Variants in MANEA observed in about 807,000 individuals in gnomAD.
The protein encoded by MANEA is mannosidase endo-alpha, also known as glycoprotein endo-alpha-1,2-mannosidase.
In MANEA, 25 loss-of-function variants were observed where a neutral mutation model predicts 36.8. The observed-to-expected ratio is 0.68, with a 90% CI of 0.50 to 0.95. The LOEUF is 0.95. Ranked by LOEUF, MANEA falls within the 40% of genes least tolerant of loss-of-function variation. The pLI is 0.00. For synonymous variants in MANEA, 198 were observed against 188.5 expected (o/e 1.05, Z -0.41); for missense variants, 565 against 558.8 (o/e 1.01, Z -0.11).
At position 95,598,275 on chromosome 6, in the gene MANEA, T is replaced by G. The variant is rs571505081; in HGVS notation, c.654+1429T>G. ...CTTGGTAGCTTAAAACAATAAACAT[T>G]TGTTACCTCACACAATTTCTAAGGG... On this transcript the variant is annotated intron_variant, in intron 3 of 4. Coordinates refer to ENST00000358812, the MANE Select transcript of MANEA (RefSeq NM_024641.4). 4.6e-5 allele frequency among the ~76,000 whole-genome samples: 7 copies of G among 152,256 alleles called. No homozygotes were observed. The East Asian group carries it at 9.7e-4, about 21-fold the overall frequency.
chr6:95,596,653 C>A, intron 2 of MANEA, 84 bp from the exon 3 acceptor site: 1 of 705,632 alleles, frequency 1.4e-6, no homozygotes, highest in Non-Finnish European at 2.5e-6. Flanking sequence ...CTATTGTTAA[C>A]TCTTTGGTAC....
In MANEA at chr6:95,589,234, AATC is replaced by A. The variant is rs1769340330; in HGVS notation, c.544+2252_544+2254del. ...GAATACTGACTCAAAACCCTAATTTAATCCATGGAGCTGGCATGCTGACTCAGG... is the reference window on the plus strand; with the variant it reads ...GAATACTGACTCAAAACCCTAATTTACATGGAGCTGGCATGCTGACTCAGG... On this transcript the variant is annotated intron_variant, in intron 2 of 4. Transcript: ENST00000358812. Among the ~76,000 whole-genome samples the A allele has an allele frequency of 2.6e-5, 4 of 152,268 alleles. No individual in the cohort carries two copies. The South Asian group carries it at 8.3e-4, about 32-fold the overall frequency.
At chr6:95,600,569 A>G (rs1769569787) in intron 3 of MANEA, among the ~76,000 whole-genome samples, 1 of 152,152 alleles carries the variant, frequency 6.6e-6, no homozygotes, top group Non-Finnish European at 1.5e-5. Context: ...TTTCTTGCTA[A>G]TATAAGGAAA....
intron 2 of MANEA, among the ~76,000 whole-genome samples, chr6:95,589,779 C>T (rs929157900): frequency 1.3e-5 from 2 of 151,960 alleles, no homozygotes; most frequent in Admixed American, 6.6e-5. Flanking sequence ...ATGTGGACAT[C>T]GTAATTCCCA....
At chr6:95,580,516 G>A (rs1582217420) in intron 1 of MANEA, among the ~76,000 whole-genome samples, 1 of 152,020 alleles carries the variant, frequency 6.6e-6, no homozygotes, top group Admixed American at 6.5e-5. Flanking sequence ...ACGAGGTCAG[G>A]AGATCGAGAC....
chr6:95,580,086 AT>A (rs566765181), intron 1 of MANEA, among the ~76,000 whole-genome samples: 6 of 151,914 alleles, frequency 3.9e-5, no homozygotes, highest in African/African-American at 1.5e-4. Context: ...GTTGAAGATG[AT>A]TTTTTTTATT....
At position 95,595,294 on chromosome 6, in the gene MANEA, G is replaced by A. The variant is rs1044743899; in HGVS notation, c.545-1443G>A. ...TAATCTTACAAGATTGTAAGTGATC[G>A]CTTATAAAATGTTGGATTGTCTCCA... On this transcript the variant is annotated intron_variant, in intron 2 of 4. Coordinates refer to ENST00000358812, the MANE Select transcript of MANEA (RefSeq NM_024641.4). Among the ~76,000 whole-genome samples, 8 of 152,124 alleles carry A rather than the reference G, an allele frequency of 5.3e-5. No individual in the cohort carries two copies. In the South Asian group the frequency reaches 1.0e-3, roughly 20 times the overall value.
chr6:95,583,354 AAT>A (rs1297678910), intron 1 of MANEA, among the ~76,000 whole-genome samples: 9 of 151,972 alleles, frequency 5.9e-5, no homozygotes, highest in Admixed American at 2.0e-4. Flanking sequence ...TTTATATCTA[AAT>A]ATATATGACA....
chr6:95,584,681 G>A (rs1047975481), intron 1 of MANEA, among the ~76,000 whole-genome samples: 3 of 152,126 alleles, frequency 2.0e-5, no homozygotes, highest in Non-Finnish European at 4.4e-5. Context: ...GATCTTGTGA[G>A]TTACTCCCTG....
rs528653116 is a variant in MANEA at position 95,586,993 on chromosome 6, G to GTGTA, written c.544+11_544+12insGTAT. On this transcript the variant is annotated intron_variant, in intron 2 of 4. Transcript: ENST00000358812. ...CGCTCAGCTTCAATTGGTAATTATT[G>GTGTA]TATATATATATATGTGTGTTTGTGT... is the stretch of plus-strand genomic sequence containing the variant. 10 of 1,302,382 alleles carry GTGTA rather than the reference G, an allele frequency of 7.7e-6. No individual in the cohort carries two copies. Among genetic ancestry groups the GTGTA allele is most frequent in the South Asian group, 7.4e-5 (6 of 81,220 alleles). 80.7% of individuals were successfully genotyped at this position (1,302,382 alleles called of 1,614,324 possible).
intron 3 of MANEA, among the ~76,000 whole-genome samples, chr6:95,603,918 A>G (rs1562200949): frequency 6.6e-6 from 1 of 152,076 alleles, no homozygotes; most frequent in African/African-American, 2.4e-5. Context: ...AGCCATAATT[A>G]GTTTGTCTTG....
intron 4 of MANEA, 73 bp from the exon 5 acceptor site, chr6:95,605,675 C>T: frequency 9.0e-7 from 1 of 1,115,100 alleles, no homozygotes; most frequent in Non-Finnish European, 1.3e-6. Context: ...CCTTCATTTT[C>T]AGTAAACAGT....
intron 4 of MANEA, 123 bp from the exon 5 acceptor site, chr6:95,605,625 C>A (rs1444698528): frequency 3.1e-6 from 2 of 649,124 alleles, no homozygotes; most frequent in Non-Finnish European, 2.7e-6. Flanking sequence ...ACAACTGATT[C>A]CCCTAAGAAA....
intron 1 of MANEA, among the ~76,000 whole-genome samples, chr6:95,585,883 A>C (rs1241552316): frequency 1.3e-5 from 2 of 152,062 alleles, no homozygotes; most frequent in Non-Finnish European, 2.9e-5. Flanking sequence ...AGTTCAGGCC[A>C]GGTGTGTGGT....
At position 95,608,903 on chromosome 6, in the gene MANEA, G is replaced by GAGTC. The variant is rs1769768091; in HGVS notation, c.*2499_*2502dup. ...TAGTGAATAATTACATGAAAAAAAA[G>GAGTC]AGTCTGTACATCTTCAGAGTTTCAG... On this transcript the variant is annotated 3_prime_UTR_variant, in exon 5 of 5. Transcript: ENST00000358812. The GAGTC allele has an allele frequency of 6.6e-6, 1 of 151,764 alleles. No homozygotes were observed. Among genetic ancestry groups the GAGTC allele is most frequent in the African/African-American group, 2.4e-5 (1 of 41,402 alleles). 9.4% of individuals were successfully genotyped at this position (151,764 alleles called of 1,614,324 possible).
chr6:95,594,120 G>A (rs1435971982), intron 2 of MANEA, among the ~76,000 whole-genome samples: 1 of 152,016 alleles, frequency 6.6e-6, no homozygotes, highest in Non-Finnish European at 1.5e-5. Context: ...TAGGAGAGGG[G>A]TATGGTTGAA....
chr6:95,588,737 G>A (rs1769333020), intron 2 of MANEA, among the ~76,000 whole-genome samples: 1 of 151,036 alleles, frequency 6.6e-6, no homozygotes, highest in Non-Finnish European at 1.5e-5. Flanking sequence ...ATACAATGAG[G>A]GTTTTTTCCC....
At chr6:95,587,123 T>C in intron 2 of MANEA, 140 bp downstream of exon 2, 1 of 607,262 alleles carries the variant, frequency 1.6e-6, no homozygotes, top group South Asian at 2.6e-5. Context: ...AAACTGTATG[T>C]ATGATCTTAA....
chr6:95,605,371 C>T (rs568484598), intron 4 of MANEA, among the ~76,000 whole-genome samples: 2 of 152,202 alleles, frequency 1.3e-5, no homozygotes, highest in South Asian at 4.1e-4. Context: ...TAGTCTGTGA[C>T]AGATGCCATA....
Sources: allele counts gnomAD v4.1 joint callset (sites outside exome capture counted in the v4.1 genomes callset), GRCh38; gene constraint gnomAD v4.1.1; transcripts MANE v1.5; gene names NCBI Gene and HGNC (gene_info 2026-07-23, HGNC 2026-07-21).